The following ADAMTS19 variants were observed in gnomAD, a reference collection of about 807,000 sequenced individuals.
The protein encoded by ADAMTS19 is ADAM metallopeptidase with thrombospondin type 1 motif 19, also known as A disintegrin and metalloproteinase with thrombospondin motifs 19.
In ADAMTS19, 93 loss-of-function variants were observed where a neutral mutation model predicts 153.3. That is an observed-to-expected ratio of 0.61 (90% CI 0.51 to 0.72). The LOEUF is 0.72. Ranked by LOEUF, ADAMTS19 falls within the 30% of genes least tolerant of loss-of-function variation. The pLI, the probability that ADAMTS19 is intolerant of heterozygous loss-of-function variation, is 0.00. For synonymous variants in ADAMTS19, 600 were observed against 556.6 expected, an observed-to-expected ratio of 1.08 and a Z score of -1.10; for missense variants, 1,482 against 1,552.1, an observed-to-expected ratio of 0.95 and a Z score of 0.76.
At position 129,590,538 on chromosome 5, in the gene ADAMTS19, C is replaced by T. The variant is rs944314952; in HGVS notation, c.1373-6021C>T. On this transcript the variant is annotated intron_variant, in intron 7 of 22. Coordinates refer to ENST00000274487, the MANE Select transcript of ADAMTS19 (RefSeq NM_133638.6). ...TTTCTTAGTATTCATAAAAACTGCA[C>T]GTTAAGAGTGTTGTAAATTACTTAA... Among the ~76,000 whole-genome samples the T allele has an allele frequency of 5.9e-5, 9 of 152,190 alleles. No individual in the cohort carries two copies. In the South Asian group the frequency reaches 6.2e-4, roughly 11 times the overall value.
intron 10 of ADAMTS19, among the ~76,000 whole-genome samples, chr5:129,630,007 T>C (rs1752217532): frequency 6.6e-6 from 1 of 152,122 alleles, no homozygotes; most frequent in East Asian, 1.9e-4. Context: ...CTAGGCACAC[T>C]ATGAATTGCA....
chr5:129,731,144 A>C (rs1027880295), intron 21 of ADAMTS19, among the ~76,000 whole-genome samples: 2 of 152,010 alleles, frequency 1.3e-5, no homozygotes, highest in Non-Finnish European at 2.9e-5. Context: ...TTTTTAGTAG[A>C]GATGGGGTTT....
intron 16 of ADAMTS19, among the ~76,000 whole-genome samples, chr5:129,677,823 C>A (rs539323018): frequency 1.1e-4 from 16 of 151,978 alleles, no homozygotes; most frequent in African/African-American, 2.4e-4. Flanking sequence ...CTTTCCCCCC[C>A]ACCCCGCCAG....
intron 2 of ADAMTS19, among the ~76,000 whole-genome samples, chr5:129,503,460 A>G (rs1166363859): frequency 6.6e-6 from 1 of 152,228 alleles, no homozygotes; most frequent in Non-Finnish European, 1.5e-5. Context: ...ATGCCAAGCC[A>G]TATGTCATGC....
intron 2 of ADAMTS19, among the ~76,000 whole-genome samples, chr5:129,490,680 TAA>T (rs2126689142): frequency 6.6e-6 from 1 of 152,254 alleles, no homozygotes; most frequent in African/African-American, 2.4e-5. Flanking sequence ...CAAGAGACCC[TAA>T]GTCTTCAAAT....
In ADAMTS19 at chr5:129,702,941, A is replaced by AAATATATATATATATATAT; in HGVS notation, c.3160-1297_3160-1296insATATATATATATATATATA. 3.0e-3 allele frequency among the ~76,000 whole-genome samples: 88 copies of AAATATATATATATATATAT among 29,108 alleles called. 1 individual carries two copies. The highest frequency in any genetic ancestry group is 6.7e-3 in the South Asian group (6 of 896). The allele number at this position is 29,108 out of a possible 152,430, so 19.1% of individuals were successfully genotyped here. On this transcript the variant is annotated intron_variant, in intron 20 of 22. Transcript: ENST00000274487. ...TAGTTTGACTTGCCAAAAAAAAAAA[A>AAATATATATATATATATAT]ATATATATATATATATATATATATA...
At chr5:129,650,374 G>A (rs1753264006) in intron 13 of ADAMTS19, among the ~76,000 whole-genome samples, 1 of 152,038 alleles carries the variant, frequency 6.6e-6, no homozygotes, top group South Asian at 2.1e-4. Flanking sequence ...TCCATTGCCT[G>A]TCCATTTCAG....
chr5:129,611,969 C>G (rs1163712332), intron 8 of ADAMTS19, among the ~76,000 whole-genome samples: 2 of 151,726 alleles, frequency 1.3e-5, no homozygotes, highest in Non-Finnish European at 2.9e-5. Flanking sequence ...CTTTTTTAAT[C>G]TATTTTATTT....
intron 3 of ADAMTS19, among the ~76,000 whole-genome samples, chr5:129,517,273 T>G (rs149945673): frequency 3.3e-5 from 5 of 152,078 alleles, no homozygotes; most frequent in South Asian, 2.1e-4. Context: ...TTGGTTATAA[T>G]GTTCTGTAAA....
At chr5:129,531,972 A>G (rs996885653) in intron 6 of ADAMTS19, among the ~76,000 whole-genome samples, 9 of 152,132 alleles carry the variant, frequency 5.9e-5, no homozygotes, top group African/African-American at 2.2e-4. Context: ...CACCTTTGCG[A>G]AAAAAATGAG....
At chr5:129,579,895 C>T (rs531014217) in intron 7 of ADAMTS19, among the ~76,000 whole-genome samples, 1 of 152,096 alleles carries the variant, frequency 6.6e-6, no homozygotes, top group Admixed American at 6.5e-5. Flanking sequence ...GTTCTTTTTG[C>T]TTAGGATTTT....
intron 16 of ADAMTS19, among the ~76,000 whole-genome samples, chr5:129,671,152 C>A (rs965932110): frequency 6.6e-6 from 1 of 152,142 alleles, no homozygotes; most frequent in African/African-American, 2.4e-5. Flanking sequence ...AGGAAGGGTG[C>A]CTTGGAGCAC....
intron 6 of ADAMTS19, among the ~76,000 whole-genome samples, chr5:129,545,849 C>G (rs1443972093): frequency 4.7e-5 from 7 of 150,406 alleles, no homozygotes; most frequent in Non-Finnish European, 8.8e-5. Context: ...GGATCTAGAA[C>G]TAGAAATACC....
At chr5:129,682,146 G>A (rs1054154368) in intron 17 of ADAMTS19, among the ~76,000 whole-genome samples, 2 of 152,144 alleles carry the variant, frequency 1.3e-5, no homozygotes, top group African/African-American at 4.8e-5. Context: ...TAATTACCAA[G>A]GTTTTTCCTG....
chr5:129,613,863 G>A (rs748739866), intron 8 of ADAMTS19, among the ~76,000 whole-genome samples: 20 of 151,978 alleles, frequency 1.3e-4, no homozygotes, highest in Non-Finnish European at 2.8e-4. Context: ...TATCACCATC[G>A]ATCCCACAGA....
At position 129,574,885 on chromosome 5, in the gene ADAMTS19, A is replaced by T. The variant is rs888361927; in HGVS notation, c.1373-21674A>T. Among the ~76,000 whole-genome samples the T allele has an allele frequency of 4.6e-5, 7 of 151,702 alleles. No homozygotes were observed. In the South Asian group the frequency reaches 6.2e-4, roughly 14 times the overall value. The stretch of plus-strand genomic sequence containing the variant: ...AAAAAAAAAATTAACGTGTTTATTT[A>T]CTATGGCAATTTCCTCAATGTACAA... On this transcript the variant is annotated intron_variant, in intron 7 of 22. Coordinates refer to ENST00000274487, the MANE Select transcript of ADAMTS19 (RefSeq NM_133638.6).
chr5:129,537,267 C>T (rs1752476676), intron 6 of ADAMTS19, among the ~76,000 whole-genome samples: 1 of 151,948 alleles, frequency 6.6e-6, no homozygotes, highest in Admixed American at 6.6e-5. Flanking sequence ...ATTAAAAGGT[C>T]AGGAAACAAC....
intron 2 of ADAMTS19, among the ~76,000 whole-genome samples, chr5:129,471,396 G>A (rs1433589548): frequency 6.7e-6 from 1 of 148,862 alleles, no homozygotes; most frequent in Non-Finnish European, 1.5e-5. Context: ...GAGAAAGAGA[G>A]GGATAGGGAG....
chr5:129,658,695 T>A lies in ADAMTS19; in HGVS notation c.2383T>A (p.Cys795Ser). Reference protein sequence around the residue: ...CGVCNGNGKSCKIIKGDFNHT... With the variant: ...CGVCNGNGKSSKIIKGDFNHT... ...TGTATGCAATGGCAATGGAAAATCA[T>A]GCAAGATCATTAAAGGGGATTTTAA... Residue 795 changes from cysteine (C) to serine (S), a missense_variant, in exon 15 of 23, where the codon TGC becomes AGC. Coordinates refer to ENST00000274487, the MANE Select transcript of ADAMTS19 (RefSeq NM_133638.6). 1 of 1,613,140 alleles carries A rather than the reference T, an allele frequency of 6.2e-7. No individual in the cohort carries two copies. Among genetic ancestry groups the A allele is most frequent in the Non-Finnish European group, 8.5e-7 (1 of 1,179,484 alleles).
Sources: gnomAD v4.1 joint callset for allele counts (sites outside exome capture counted in the v4.1 genomes callset) on GRCh38, gnomAD v4.1.1 for gene constraint, MANE v1.5 for transcripts, NCBI Gene and HGNC (gene_info 2026-07-23, HGNC 2026-07-21) for gene names.